Variants in SYNE2 observed in about 807,000 individuals in gnomAD.
SYNE2 encodes spectrin repeat containing nuclear envelope protein 2, also known as nesprin-2.
In SYNE2, 431 loss-of-function variants were observed where a neutral mutation model predicts 856.3. The ratio of observed to expected loss-of-function variants is 0.50; its 90% CI spans 0.47 to 0.55. The LOEUF (loss-of-function observed/expected upper bound fraction) is 0.55, where lower values mean the gene tolerates loss of function less well. SYNE2 is among the 20% of genes least tolerant of loss of function. The probability of loss-of-function intolerance (pLI) is 0.00; values close to 1 mark genes in which losing one functional copy is unlikely to be tolerated. For synonymous variants in SYNE2, 2,923 were observed against 2,872.3 expected, an observed-to-expected ratio of 1.02 and a Z score of -0.56; for missense variants, 8,129 against 8,023.2, an observed-to-expected ratio of 1.01 and a Z score of -0.50.
At chr14:64,151,843 CT>C (rs2098247099) in intron 84 of SYNE2, among the ~76,000 whole-genome samples, 2 of 152,216 alleles carry the variant, frequency 1.3e-5, no homozygotes, top group African/African-American at 4.8e-5. Flanking sequence ...AAAGTTTAAA[CT>C]TTTTCCAAGT....
intron 32 of SYNE2, 131 bp downstream of exon 32, chr14:64,010,247 A>G: frequency 2.0e-6 from 2 of 1,007,022 alleles, no homozygotes; most frequent in East Asian, 2.7e-5. Flanking sequence ...CTATTTTACC[A>G]GGTATCTAAA....
At chr14:63,948,766 ATATGTATGTG>A (rs1221629674) in intron 6 of SYNE2, among the ~76,000 whole-genome samples, 5 of 57,902 alleles carry the variant, frequency 8.6e-5, no homozygotes, top group African/African-American at 3.0e-4. Context: ...ATATGTATAT[ATATGTATGTG>A]TGTGTGTATA....
intron 1 of SYNE2, among the ~76,000 whole-genome samples, chr14:63,831,549 CTTTTTTTT>C (rs1211983068): frequency 2.9e-5 from 2 of 69,548 alleles, no homozygotes; most frequent in Non-Finnish European, 5.1e-5. Flanking sequence ...AATGTTCATT[CTTTTTTTT>C]TTTTTTTTTT....
At chr14:63,894,981 T>TA (rs2095220667) in intron 1 of SYNE2, among the ~76,000 whole-genome samples, 2 of 152,218 alleles carry the variant, frequency 1.3e-5, no homozygotes, top group African/African-American at 4.8e-5. Flanking sequence ...TGCTTTAGCA[T>TA]GTTGTCTACA....
chr14:63,783,610 A>C (rs970346513), intron 1 of SYNE2, among the ~76,000 whole-genome samples: 5 of 152,324 alleles, frequency 3.3e-5, no homozygotes, highest in Admixed American at 2.6e-4. Context: ...TATTCCTGCC[A>C]AAAATGCATA....
At chr14:63,908,488 C>CT (rs35588594) in intron 1 of SYNE2, among the ~76,000 whole-genome samples, 7,496 of 152,162 alleles carry the variant, frequency 0.049, 246 homozygotes, top group Admixed American at 0.084. Flanking sequence ...TGGAAGGATT[C>CT]TTTAAGAATC....
chr14:64,214,367 C>G lies in SYNE2; in HGVS notation c.19230C>G (p.Val6410=). ...GHERSGCETP[V]SVDSIPLEWD... is the part of the protein sequence containing the mutation. ...AGCGGTCTGGCTGCGAGACCCCTGT[C>G]AGCGTGGACTCCATCCCCCTGGAGT... The change falls in exon 106 of 116, where the codon GTC becomes GTG. Residue 6410 remains valine (V), a synonymous_variant. Coordinates refer to ENST00000555002, the MANE Select transcript of SYNE2 (RefSeq NM_182914.3). 2 of 1,614,160 alleles carry G rather than the reference C, an allele frequency of 1.2e-6. No individual in the cohort carries two copies. Among genetic ancestry groups the G allele is most frequent in the Non-Finnish European group, 1.7e-6 (2 of 1,180,020 alleles).
At chr14:64,139,576 T>TA (rs2098124597) in intron 79 of SYNE2, among the ~76,000 whole-genome samples, 1 of 151,904 alleles carries the variant, frequency 6.6e-6, no homozygotes, top group Admixed American at 6.6e-5. Flanking sequence ...CATGCCTGGG[T>TA]ATTTTCTGTA....
chr14:64,113,717 G>A, intron 66 of SYNE2, 146 bp downstream of exon 66: 2 of 896,866 alleles, frequency 2.2e-6, no homozygotes, highest in African/African-American at 1.6e-5. Flanking sequence ...AGTTCTCAGG[G>A]TAATTCTTTG....
Position 64,186,483 on chromosome 14 carries a change from G to A in SYNE2, c.17616G>A (p.Lys5872=), listed in dbSNP as rs1375044352. Residue 5872 remains lysine, a synonymous_variant, in exon 97 of 116, where the codon AAG becomes AAA. Transcript: ENST00000555002. ...TQNLKELQTM[K]ADLTRHVLVE... is the part of the protein sequence containing the mutation. Reference sequence around the variant, plus strand: ...ACTTGAAAGAACTTCAAACTATGAAGGCGGACTTAACCCGGCACGTTCTCG... The same window carrying A: ...ACTTGAAAGAACTTCAAACTATGAAAGCGGACTTAACCCGGCACGTTCTCG... 6.2e-7 allele frequency: 1 copy of A among 1,614,118 alleles called. No individual in the cohort carries two copies. Among genetic ancestry groups the A allele is most frequent in the African/African-American group, 1.3e-5 (1 of 74,938 alleles).
chr14:64,101,903 C>T (rs1190647731), intron 63 of SYNE2, 29 bp from the exon 64 acceptor site: 24 of 1,561,496 alleles, frequency 1.5e-5, no homozygotes, highest in Non-Finnish European at 2.0e-5. Flanking sequence ...AAGCTCTTCC[C>T]TTTGCTAACC....
At chr14:63,959,255 C>T (rs2096277930) in intron 8 of SYNE2, among the ~76,000 whole-genome samples, 1 of 142,410 alleles carries the variant, frequency 7.0e-6, no homozygotes, top group Non-Finnish European at 1.5e-5. Context: ...TATATGTGAG[C>T]TTACAGCCAT....
chr14:64,056,184 C>T lies in SYNE2; in HGVS notation c.9985C>T (p.Leu3329Phe). The T allele has an allele frequency of 1.2e-6, 2 of 1,614,146 alleles. No individual in the cohort carries two copies. The highest frequency in any genetic ancestry group is 1.7e-6 in the Non-Finnish European group (2 of 1,180,008). Residue 3329 changes from leucine (L) to phenylalanine (F), a missense_variant, in exon 49 of 116, where the codon CTT (leucine) becomes TTT (phenylalanine). By Grantham distance (22) the Leu-to-Phe change is conservative. Coordinates refer to ENST00000555002, the MANE Select transcript of SYNE2 (RefSeq NM_182914.3). Reference sequence around the variant, plus strand: ...ATCCAGCCCCGAAGCCAAACTACAACTTCAGTATACTTTACAGGAACTAGT... The same window carrying T: ...ATCCAGCCCCGAAGCCAAACTACAATTTCAGTATACTTTACAGGAACTAGT... The part of the protein sequence containing the change: ...MISSPEAKLQ[L>F]QYTLQELVSK...
chr14:63,841,687 AATAG>A (rs1180127519), intron 1 of SYNE2, among the ~76,000 whole-genome samples: 2 of 152,150 alleles, frequency 1.3e-5, no homozygotes, highest in African/African-American at 2.4e-5. Context: ...TTGCCAAACT[AATAG>A]ATAGTAAATG....
At chr14:63,850,998 C>G (rs1462691191), upstream of SYNE2, among the ~76,000 whole-genome samples, 1 of 152,116 alleles carries the variant, frequency 6.6e-6, no homozygotes, top group Non-Finnish European at 1.5e-5. Flanking sequence ...AATCCTAGAG[C>G]CCAACTTCTC....
chr14:64,121,968 A>G, intron 68 of SYNE2, 44 bp from the exon 69 acceptor site: 1 of 1,611,412 alleles, frequency 6.2e-7, no homozygotes, highest in Non-Finnish European at 8.5e-7. Flanking sequence ...GTACTAATCG[A>G]AAAGCTTGAT....
At chr14:64,065,923 AT>A (rs1466103647) in intron 51 of SYNE2, among the ~76,000 whole-genome samples, 3 of 152,178 alleles carry the variant, frequency 2.0e-5, no homozygotes, top group African/African-American at 7.2e-5. Context: ...TACAATCTTT[AT>A]TGTGAAAATA....
At chr14:63,945,662 G>A (rs966557557) in intron 6 of SYNE2, among the ~76,000 whole-genome samples, 2 of 151,870 alleles carry the variant, frequency 1.3e-5, no homozygotes, top group African/African-American at 2.4e-5. Flanking sequence ...TCGCTCTGTC[G>A]CCCAGGCTGG....
rs10133691 is a variant in SYNE2, at chr14:64,129,819, A to G, written c.14057A>G (p.Glu4686Gly). 1,823 of 1,614,208 alleles carry G rather than the reference A, an allele frequency of 1.1e-3. 18 individuals carry two copies. In the African/African-American group the frequency reaches 0.021, roughly 19 times the overall value. The change falls in exon 75 of 116, where the codon GAG becomes GGG. Residue 4686 changes from glutamate to glycine, a missense_variant. Around this residue, in one of 3 missense-constraint regions of SYNE2, gnomAD observed 5,410 missense variants for 5,284.8 expected, o/e 1.02. Transcript: ENST00000555002. ...DAYTVELENA[E>G]SRVAKLRDEG... is the part of the protein sequence containing the mutation. ...TATACAGTGGAGCTGGAGAACGCCG[A>G]GAGCCGAGTGGCCAAACTAAGAGAT...
Sources: gnomAD v4.1 joint callset for allele counts (sites outside exome capture counted in the v4.1 genomes callset) on GRCh38, gnomAD v4.1.1 for gene constraint, gnomAD v4.1.1 regional missense constraint, MANE v1.5 for transcripts, NCBI Gene and HGNC (gene_info 2026-07-23, HGNC 2026-07-21) for gene names.